SMOC2: variants seen among roughly 807,000 people sequenced by gnomAD.
SMOC2 encodes SPARC related modular calcium binding 2, also known as SPARC-related modular calcium-binding protein 2.
SMOC2 carries 39 observed loss-of-function variants against 61.4 expected under a neutral mutation model. The ratio of observed to expected loss-of-function variants is 0.64; its 90% CI spans 0.49 to 0.83. The LOEUF (loss-of-function observed/expected upper bound fraction) is 0.83. SMOC2 is among the 40% of genes least tolerant of loss of function. The pLI is 0.00. For synonymous variants in SMOC2, 247 were observed against 239.9 expected (o/e 1.03, Z -0.27); for missense variants, 556 against 592.9 (o/e 0.94, Z 0.65).
At chr6:168,635,069 A>G (rs1339299553) in intron 9 of SMOC2, among the ~76,000 whole-genome samples, 1 of 152,250 alleles carries the variant, frequency 6.6e-6, no homozygotes, top group East Asian at 1.9e-4. Flanking sequence ...GAAAGGGTCA[A>G]TAAACAGATC....
At chr6:168,580,189 A>G (rs985808945) in intron 7 of SMOC2, among the ~76,000 whole-genome samples, 10 of 152,344 alleles carry the variant, frequency 6.6e-5, no homozygotes, top group Non-Finnish European at 1.3e-4. Flanking sequence ...GTTTGTTGCT[A>G]TGGGAAATAC....
chr6:168,663,961 C>G, intron 11 of SMOC2, 113 bp from the exon 12 acceptor site: 1 of 837,488 alleles, frequency 1.2e-6, no homozygotes, highest in East Asian at 2.6e-5. Flanking sequence ...ATGAGTTTGC[C>G]AATTGATAAC....
chr6:168,556,469 G>A (rs1482352792), intron 7 of SMOC2, among the ~76,000 whole-genome samples: 2 of 151,170 alleles, frequency 1.3e-5, no homozygotes, highest in East Asian at 1.9e-4. Context: ...CGGGCCCTGG[G>A]CACTGATGCC....
chr6:168,664,729 A>G (rs1474474430), intron 12 of SMOC2: 2 of 470,986 alleles, frequency 4.2e-6, no homozygotes, highest in Non-Finnish European at 8.8e-6. Flanking sequence ...TCAATTTGCA[A>G]GTAAAGGATG....
At chr6:168,599,979 A>C (rs1465806805) in intron 8 of SMOC2, among the ~76,000 whole-genome samples, 2 of 150,908 alleles carry the variant, frequency 1.3e-5, no homozygotes, top group African/African-American at 2.4e-5. Flanking sequence ...TACTCTCCCC[A>C]CACACACACT....
chr6:168,476,303 C>T (rs562436261), intron 1 of SMOC2, among the ~76,000 whole-genome samples: 2 of 151,976 alleles, frequency 1.3e-5, no homozygotes, highest in East Asian at 1.9e-4. Flanking sequence ...ACTGAGTAGA[C>T]GAGAAAGTGA....
chr6:168,528,719 G>C (rs749552760), intron 4 of SMOC2, among the ~76,000 whole-genome samples: 9 of 152,206 alleles, frequency 5.9e-5, no homozygotes, highest in Non-Finnish European at 1.2e-4. Flanking sequence ...ACTGGCCATG[G>C]GGATGCATGA....
intron 9 of SMOC2, among the ~76,000 whole-genome samples, chr6:168,637,691 A>C (rs1786775806): frequency 6.6e-6 from 1 of 152,198 alleles, no homozygotes; most frequent in South Asian, 2.1e-4. Context: ...GTTACGTATA[A>C]TTTGTGAAAG....
At chr6:168,509,778 A>T in intron 1 of SMOC2, 137 bp from the exon 2 acceptor site, 1 of 692,152 alleles carries the variant, frequency 1.4e-6, no homozygotes, top group Non-Finnish European at 2.2e-6. Context: ...CGCTTCTGGC[A>T]GGGGTGAGAA....
intron 9 of SMOC2, among the ~76,000 whole-genome samples, chr6:168,649,177 C>T (rs754845172): frequency 6.6e-6 from 1 of 152,236 alleles, no homozygotes. Context: ...TCTGCCTGGG[C>T]TCTGCAGCTC....
intron 7 of SMOC2, among the ~76,000 whole-genome samples, chr6:168,567,070 C>T (rs1304426729): frequency 6.6e-6 from 1 of 152,134 alleles, no homozygotes; most frequent in Non-Finnish European, 1.5e-5. Flanking sequence ...CAAGATTAGT[C>T]TCAACTAAAA....
intron 4 of SMOC2, among the ~76,000 whole-genome samples, chr6:168,529,571 C>T (rs1034654929): frequency 6.6e-6 from 1 of 152,110 alleles, no homozygotes; most frequent in African/African-American, 2.4e-5. Context: ...CAGGCTTCCC[C>T]TCCGCACACA....
intron 1 of SMOC2, among the ~76,000 whole-genome samples, chr6:168,455,002 G>A (rs983625872): frequency 2.0e-5 from 3 of 152,156 alleles, no homozygotes; most frequent in African/African-American, 4.8e-5. Context: ...CTTGGTGGCC[G>A]GGGTCTCAGA....
intron 8 of SMOC2, among the ~76,000 whole-genome samples, chr6:168,603,711 GA>G (rs200485227): frequency 0.19 from 22,300 of 118,920 alleles, 1,957 homozygotes; most frequent in East Asian, 0.38. Flanking sequence ...TGCTCTGGAG[GA>G]AAAAAAAAAA....
At chr6:168,583,385 T>TGCCTC (rs1272561531) in intron 7 of SMOC2, among the ~76,000 whole-genome samples, 1 of 152,156 alleles carries the variant, frequency 6.6e-6, no homozygotes, top group Non-Finnish European at 1.5e-5. Context: ...AGCCCTGCCC[T>TGCCTC]GCCTCACCCC....
intron 1 of SMOC2, among the ~76,000 whole-genome samples, chr6:168,482,789 G>T (rs939181434): frequency 6.6e-6 from 1 of 151,978 alleles, no homozygotes; most frequent in Non-Finnish European, 1.5e-5. Context: ...GTAACAGAAT[G>T]AATAGGGTAA....
chr6:168,569,505 A>G (rs1379801564), intron 7 of SMOC2, among the ~76,000 whole-genome samples: 3 of 152,272 alleles, frequency 2.0e-5, no homozygotes, highest in South Asian at 2.1e-4. Flanking sequence ...CAATAGTGCA[A>G]TCATGGTTCA....
intron 11 of SMOC2, chr6:168,655,570 GTGTGTACTAGATACCCGGCACA>G: frequency 2.7e-6 from 1 of 373,784 alleles, no homozygotes; most frequent in Non-Finnish European, 5.4e-6. Flanking sequence ...CCTACTGCAT[GTGTGTACTAGATACCCGGCACA>G]TGTGTGCCAG....
intron 2 of SMOC2, among the ~76,000 whole-genome samples, chr6:168,517,652 C>A (rs917581442): frequency 6.6e-6 from 1 of 152,254 alleles, no homozygotes; most frequent in Non-Finnish European, 1.5e-5. Context: ...TCTGCTCCTT[C>A]TGTTGCAGTT....
Sources: allele counts gnomAD v4.1 joint callset (sites outside exome capture counted in the v4.1 genomes callset), GRCh38; gene constraint gnomAD v4.1.1; transcripts MANE v1.5; gene names NCBI Gene and HGNC (gene_info 2026-07-23, HGNC 2026-07-21).